TMEM106C: variants seen among roughly 807,000 people sequenced by gnomAD.
TMEM106C encodes the protein transmembrane protein 106C, also known as endoplasmic reticulum membrane protein overexpressed in cancer.
A neutral mutation model predicts 30.8 loss-of-function variants in TMEM106C; 27 were observed. That is an observed-to-expected ratio of 0.88 (90% CI 0.65 to 1.21). The LOEUF is 1.21. TMEM106C is among the 50% of genes most tolerant of loss of function. The probability of loss-of-function intolerance (pLI) is 0.00; values close to 1 mark genes in which losing one functional copy is unlikely to be tolerated. For synonymous variants in TMEM106C, 123 were observed against 118.8 expected, an observed-to-expected ratio of 1.04 and a Z score of -0.23; for missense variants, 288 against 307.8, an observed-to-expected ratio of 0.94 and a Z score of 0.48.
rs978036806 is a variant in TMEM106C, at chr12:47,968,560, T to C, written c.*331T>C. 4 of 369,760 alleles carry C rather than the reference T, an allele frequency of 1.1e-5. No individual in the cohort carries two copies. In the Admixed American group the frequency reaches 1.5e-4, roughly 13 times the overall value. 22.9% of individuals were successfully genotyped at this position (369,760 alleles called of 1,614,324 possible). On this transcript the variant is annotated 3_prime_UTR_variant, in exon 8 of 8. Transcript: ENST00000429772. ...AACGTGGTTCTAGGTTATCAAACCA[T>C]GGAGTGATGTGGAGCTAGGATTGTG... is the stretch of plus-strand genomic sequence containing the variant.
At chr12:47,967,017 A>T (rs1480944701) in intron 6 of TMEM106C, 191 bp from the exon 7 acceptor site, 1 of 689,952 alleles carries the variant, frequency 1.4e-6, no homozygotes, top group East Asian at 2.5e-5. Flanking sequence ...GGTTTGAAAA[A>T]ACAGAAAGTG....
chr12:47,967,071 A>C (rs1938252129), intron 6 of TMEM106C, 137 bp from the exon 7 acceptor site: 1 of 852,702 alleles, frequency 1.2e-6, no homozygotes, highest in South Asian at 1.5e-5. Flanking sequence ...GCAGGGACTG[A>C]GAGCTGACAA....
rs1196705309 is a variant in TMEM106C at position 47,965,946 on chromosome 12, G to C, written c.360G>C (p.Val120=). The C allele has an allele frequency of 6.2e-7, 1 of 1,614,066 alleles. No homozygotes were observed. The highest frequency in any genetic ancestry group is 1.3e-5 in the African/African-American group (1 of 74,924). Residue 120 remains valine, a synonymous_variant, in exon 4 of 8, where the codon GTG becomes GTC. Coordinates refer to ENST00000429772, the MANE Select transcript of TMEM106C (RefSeq NM_001143842.2). ...SVLVDDDGIK[V]VKVTFNKQDS... Reference sequence around the variant, plus strand: ...TTGTGGATGATGACGGCATCAAAGTGGTGAAAGTCACATTTAATAAGCAAG... The same window carrying C: ...TTGTGGATGATGACGGCATCAAAGTCGTGAAAGTCACATTTAATAAGCAAG...
At chr12:47,968,021 C>G (rs2079296) in intron 7 of TMEM106C, 112 bp from the exon 8 acceptor site, 1 of 708,522 alleles carries the variant, frequency 1.4e-6, no homozygotes, top group Middle Eastern at 3.6e-4. Flanking sequence ...GGATATGTGC[C>G]TGGGGCCCGT....
At position 47,967,199 on chromosome 12, in the gene TMEM106C, G is replaced by C. The variant is rs369414742; in HGVS notation, c.603-9G>C. 3 of 1,613,168 alleles carry C rather than the reference G, an allele frequency of 1.9e-6. No individual in the cohort carries two copies. Among genetic ancestry groups the C allele is most frequent in the East Asian group, 2.2e-5 (1 of 44,884 alleles). On this transcript the variant is annotated splice_polypyrimidine_tract_variant and intron_variant, in intron 6 of 7. Transcript: ENST00000429772. ...AAAACTGACTATTTCCATATTTGCT[G>C]TTTGGTAGCTTCTTCTGCACGGTAC...
rs1220555036 is a variant in TMEM106C, at chr12:47,966,737, G to A, written c.602+5G>A. On this transcript the variant is annotated splice_donor_5th_base_variant and intron_variant, in intron 6 of 7. Coordinates refer to ENST00000429772, the MANE Select transcript of TMEM106C (RefSeq NM_001143842.2). Reference sequence around the variant, plus strand: ...AGGACCGTTTTCCTATGTGTAGTAAGGACACTGTTCTCTCTGTGTGTGCTC... The same window carrying A: ...AGGACCGTTTTCCTATGTGTAGTAAAGACACTGTTCTCTCTGTGTGTGCTC... The A allele has an allele frequency of 6.2e-7, 1 of 1,614,058 alleles. No homozygotes were observed. The highest frequency in any genetic ancestry group is 1.1e-5 in the South Asian group (1 of 91,070).
intron 2 of TMEM106C, 45 bp downstream of exon 2, chr12:47,964,468 C>T: frequency 6.3e-7 from 1 of 1,592,132 alleles, no homozygotes; most frequent in Non-Finnish European, 8.6e-7. Context: ...CCAAGGTACC[C>T]TCGGAGTTCT....
intron 7 of TMEM106C, 82 bp downstream of exon 7, chr12:47,967,343 C>T: frequency 6.9e-7 from 1 of 1,450,294 alleles, no homozygotes; most frequent in Non-Finnish European, 9.7e-7. Flanking sequence ...TGTGTGACCA[C>T]AGGGCAGAGG....
intron 2 of TMEM106C, 89 bp from the exon 3 acceptor site, chr12:47,965,193 A>T (rs1389064182): frequency 2.2e-5 from 23 of 1,033,208 alleles, no homozygotes; most frequent in Non-Finnish European, 3.2e-5. Flanking sequence ...ATTCCAGAAG[A>T]ATATTTGTTG....
At chr12:47,965,627 T>G (rs1198804744) in intron 3 of TMEM106C, 3 of 715,700 alleles carry the variant, frequency 4.2e-6, no homozygotes, top group Admixed American at 2.4e-5. Flanking sequence ...CATAGCTCCT[T>G]TCTTCAGCTT....
At chr12:47,965,745 C>A in intron 3 of TMEM106C, 93 bp from the exon 4 acceptor site, 1 of 1,488,810 alleles carries the variant, frequency 6.7e-7, no homozygotes, top group Non-Finnish European at 9.2e-7. Context: ...TCCCTTTCAG[C>A]TCCCTTCTCT....
intron 3 of TMEM106C, 70 bp downstream of exon 3, chr12:47,965,415 C>T: frequency 1.5e-6 from 2 of 1,358,534 alleles, no homozygotes; most frequent in East Asian, 4.6e-5. Flanking sequence ...GTATGAATGC[C>T]AGTTAATTCT....
intron 1 of TMEM106C, 160 bp from the exon 2 acceptor site, chr12:47,964,049 T>C: frequency 1.6e-6 from 1 of 629,958 alleles, no homozygotes; most frequent in Non-Finnish European, 2.8e-6. Flanking sequence ...TGGGTAGCAC[T>C]ACTACAAAAT....
At chr12:47,964,033 G>A in intron 1 of TMEM106C, 176 bp from the exon 2 acceptor site, 1 of 599,324 alleles carries the variant, frequency 1.7e-6, no homozygotes, top group Non-Finnish European at 2.9e-6. Context: ...GCGGGTAAGA[G>A]GAGAGTGGGT....
Position 47,963,680 on chromosome 12 carries a change from G to C in TMEM106C, c.-53G>C, listed in dbSNP as rs1419646326. 1 of 153,670 alleles carries C rather than the reference G, an allele frequency of 6.5e-6. No individual in the cohort carries two copies. Among genetic ancestry groups the C allele is most frequent in the Non-Finnish European group, 1.4e-5 (1 of 69,026 alleles). The allele number at this position is 153,670 out of a possible 1,614,324, so 9.5% of individuals were successfully genotyped here. ...TGGTCGGGGGAGCGGCCGGAGAGGA[G>C]CTGCCGGGAGTTCGTGCCCTGCAGG... On this transcript the variant is annotated 5_prime_UTR_variant, in exon 1 of 8. Coordinates refer to ENST00000429772, the MANE Select transcript of TMEM106C (RefSeq NM_001143842.2).
rs1020427699 is a variant in TMEM106C, at chr12:47,967,107, G to A, written c.603-101G>A. ...GCCTTGGCAGCACTTAGGTCGGAAG[G>A]GGGAGGGGGGCACCCCAAACAGGAC... On this transcript the variant is annotated intron_variant, in intron 6 of 7. Coordinates refer to ENST00000429772, the MANE Select transcript of TMEM106C (RefSeq NM_001143842.2). 7 of 1,226,230 alleles carry A rather than the reference G, an allele frequency of 5.7e-6. No individual in the cohort carries two copies. The African/African-American group carries it at 9.0e-5, about 16-fold the overall frequency. 76.0% of individuals were successfully genotyped at this position (1,226,230 alleles called of 1,614,324 possible).
At chr12:47,964,509 C>T (rs1938156794) in intron 2 of TMEM106C, 86 bp downstream of exon 2, 2 of 1,273,530 alleles carry the variant, frequency 1.6e-6, no homozygotes, top group South Asian at 2.5e-5. Flanking sequence ...TTCTTCTAGG[C>T]AGTAATACCA....
Position 47,964,342 on chromosome 12 carries a change from G to C in TMEM106C, c.106G>C (p.Ala36Pro). ...LAEREQEEAI[A>P]QFPYVEFTGR... is the part of the protein sequence containing the mutation. The stretch of plus-strand genomic sequence containing the variant: ...TGAACGAGAGCAGGAAGAAGCCATT[G>C]CTCAGTTCCCATATGTGGAATTCAC... Residue 36 changes from alanine to proline, a missense_variant, in exon 2 of 8, where the codon GCT becomes CCT. Transcript: ENST00000429772. The C allele has an allele frequency of 6.2e-7, 1 of 1,614,214 alleles. No individual in the cohort carries two copies. The highest frequency in any genetic ancestry group is 1.6e-4 in the Middle Eastern group (1 of 6,062).
In TMEM106C at chr12:47,964,472, G is replaced by A. The variant is rs185425592; in HGVS notation, c.187+49G>A. On this transcript the variant is annotated intron_variant, in intron 2 of 7. Transcript: ENST00000429772. ...TGATGAGAATCCCAAGGTACCCTCG[G>A]AGTTCTCCTGTCTGCCCAGACAACT... The A allele has an allele frequency of 1.5e-4, 246 of 1,587,140 alleles. No individual in the cohort carries two copies. In the Admixed American group the frequency reaches 1.7e-3, roughly 11 times the overall value.
Sources: allele counts gnomAD v4.1 joint callset, GRCh38; gene constraint gnomAD v4.1.1; transcripts MANE v1.5; gene names NCBI Gene and HGNC (gene_info 2026-07-23, HGNC 2026-07-21).